RBM47: variants seen among roughly 807,000 people sequenced by gnomAD.
RBM47 encodes RNA-binding protein 47.
In RBM47, 21 loss-of-function variants were observed where a neutral mutation model predicts 47.1. The ratio of observed to expected loss-of-function variants is 0.45; its 90% CI spans 0.32 to 0.64. RBM47 has a LOEUF of 0.64. Among genes scored for constraint, RBM47 ranks in the 30% least tolerant of loss-of-function variants. The pLI, the probability that RBM47 is intolerant of heterozygous loss-of-function variation, is 0.05. For synonymous variants in RBM47, 375 were observed against 361.7 expected, an observed-to-expected ratio of 1.04 and a Z score of -0.42; for missense variants, 708 against 870.9, an observed-to-expected ratio of 0.81 and a Z score of 2.35.
intron 1 of RBM47, among the ~76,000 whole-genome samples, chr4:40,545,681 A>ATAAATAAATAAC (rs1728971945): frequency 6.7e-6 from 1 of 150,212 alleles, no homozygotes; most frequent in Non-Finnish European, 1.5e-5. Context: ...AAATAAATAA[A>ATAAATAAATAAC]TAAATAAATA....
chr4:40,507,131 A>G (rs1210531660), intron 2 of RBM47, among the ~76,000 whole-genome samples: 1 of 151,440 alleles, frequency 6.6e-6, no homozygotes, highest in Non-Finnish European at 1.5e-5. Context: ...AAATTTGTAT[A>G]TTTTTAGTAG....
chr4:40,444,653 T>C (rs1039975770), intron 3 of RBM47, among the ~76,000 whole-genome samples: 7 of 151,416 alleles, frequency 4.6e-5, no homozygotes, highest in Admixed American at 1.3e-4. Flanking sequence ...TCAGGACTAA[T>C]TTTTAAATTC....
At chr4:40,618,738 G>A (rs980899777) in intron 1 of RBM47, among the ~76,000 whole-genome samples, 3 of 145,476 alleles carry the variant, frequency 2.1e-5, no homozygotes, top group African/African-American at 7.5e-5. Context: ...GAACCTGGGA[G>A]GTAGAGGTTG....
At chr4:40,574,254 C>G (rs1732079278) in intron 1 of RBM47, among the ~76,000 whole-genome samples, 1 of 152,144 alleles carries the variant, frequency 6.6e-6, no homozygotes, top group Admixed American at 6.5e-5. Flanking sequence ...CAGAAATAGA[C>G]TGGGTAAAAC....
chr4:40,502,824 T>C (rs1426548238), intron 2 of RBM47, among the ~76,000 whole-genome samples: 1 of 151,356 alleles, frequency 6.6e-6, no homozygotes, highest in Non-Finnish European at 1.5e-5. Context: ...CCAGCCTGGG[T>C]TGAGAGAGCA....
At chr4:40,505,936 T>TCC (rs1724048561) in intron 2 of RBM47, among the ~76,000 whole-genome samples, 1 of 152,056 alleles carries the variant, frequency 6.6e-6, no homozygotes, top group Non-Finnish European at 1.5e-5. Context: ...AAAACTTACT[T>TCC]GTCATTTTAT....
chr4:40,432,914 T>C (rs753247517), intron 5 of RBM47, 52 bp from the exon 6 acceptor site: 1 of 1,602,960 alleles, frequency 6.2e-7, no homozygotes, highest in South Asian at 1.1e-5. Context: ...AGTCGCTGAG[T>C]GGGGTCCAGC....
intron 2 of RBM47, among the ~76,000 whole-genome samples, chr4:40,500,611 T>C (rs532690382): frequency 1.2e-4 from 18 of 152,172 alleles, no homozygotes; most frequent in Admixed American, 2.0e-4. Context: ...TATATATATA[T>C]ATAAAACCAA....
intron 2 of RBM47, among the ~76,000 whole-genome samples, chr4:40,467,790 T>C (rs1300242248): frequency 6.6e-6 from 1 of 152,160 alleles, no homozygotes; most frequent in African/African-American, 2.4e-5. Context: ...TTTCAATGTG[T>C]GGAAATATAA....
Position 40,511,673 on chromosome 4 carries a change from G to A in RBM47, c.-155+32749C>T, listed in dbSNP as rs547619961. 1.8e-4 allele frequency among the ~76,000 whole-genome samples: 28 copies of A among 152,248 alleles called. No homozygotes were observed. In the South Asian group the frequency reaches 5.2e-3, roughly 28 times the overall value. ...CAATTCCTCATGGAAATACTAAATC[G>A]GGCTGGGCACAGGGGCTCAAGCCTG... On this transcript the variant is annotated intron_variant, in intron 2 of 6. Transcript: ENST00000295971.
chr4:40,566,616 C>T (rs114055434), intron 1 of RBM47, among the ~76,000 whole-genome samples: 2,149 of 151,990 alleles, frequency 0.014, 44 homozygotes, highest in Non-Finnish European at 0.02. Context: ...CTACACTCCA[C>T]GCTGGGCGAC....
intron 2 of RBM47, among the ~76,000 whole-genome samples, chr4:40,500,156 A>C (rs1223908170): frequency 1.3e-5 from 2 of 152,202 alleles, no homozygotes; most frequent in Non-Finnish European, 2.9e-5. Context: ...TCTACTAAAA[A>C]TACAAAATTA....
intron 2 of RBM47, among the ~76,000 whole-genome samples, chr4:40,496,914 C>T (rs576988870): frequency 1.3e-5 from 2 of 151,898 alleles, no homozygotes; most frequent in African/African-American, 4.8e-5. Flanking sequence ...GTGGCACATG[C>T]CCTATAATCC....
chr4:40,575,605 A>G (rs1732223925), intron 1 of RBM47, among the ~76,000 whole-genome samples: 1 of 151,394 alleles, frequency 6.6e-6, no homozygotes, highest in Non-Finnish European at 1.5e-5. Context: ...AAGTCTCCCC[A>G]AGTTAACTGA....
chr4:40,566,520 C>T (rs1465611278), intron 1 of RBM47, among the ~76,000 whole-genome samples: 1 of 151,924 alleles, frequency 6.6e-6, no homozygotes, highest in Non-Finnish European at 1.5e-5. Flanking sequence ...TGGCGCGTGC[C>T]TGTAATCCCA....
At chr4:40,535,807 C>T (rs1727918015) in intron 2 of RBM47, among the ~76,000 whole-genome samples, 1 of 152,170 alleles carries the variant, frequency 6.6e-6, no homozygotes, top group Admixed American at 6.5e-5. Flanking sequence ...ATCCGCCCAC[C>T]TTGACCTCTC....
At chr4:40,473,421 G>A (rs530366057) in intron 2 of RBM47, among the ~76,000 whole-genome samples, 62 of 152,284 alleles carry the variant, frequency 4.1e-4, no homozygotes, top group Non-Finnish European at 8.1e-4. Flanking sequence ...TAACAAAAAT[G>A]ACAAATGATT....
At chr4:40,481,475 TTA>T (rs1720395605) in intron 2 of RBM47, among the ~76,000 whole-genome samples, 3 of 134,592 alleles carry the variant, frequency 2.2e-5, no homozygotes, top group Non-Finnish European at 4.8e-5. Context: ...ATTATTATTA[TTA>T]TTATTATTAT....
rs1242840828 is a variant in RBM47 at position 40,615,923 on chromosome 4, C to G, written c.-240+13473G>C. Among the ~76,000 whole-genome samples the G allele has an allele frequency of 2.6e-5, 4 of 152,198 alleles. No homozygotes were observed. In the East Asian group the frequency reaches 7.7e-4, roughly 29 times the overall value. On this transcript the variant is annotated intron_variant, in intron 1 of 6. Coordinates refer to ENST00000295971, the MANE Select transcript of RBM47 (RefSeq NM_001098634.2). Reference sequence around the variant, plus strand: ...AATAAATACAATTACACCTCATGGGCTCCACTGGTGTTGACATGATATTGG... The same window carrying G: ...AATAAATACAATTACACCTCATGGGGTCCACTGGTGTTGACATGATATTGG...
Sources: gnomAD v4.1 joint callset for allele counts (sites outside exome capture counted in the v4.1 genomes callset) on GRCh38, gnomAD v4.1.1 for gene constraint, MANE v1.5 for transcripts, NCBI Gene and HGNC (gene_info 2026-07-23, HGNC 2026-07-21) for gene names.